IPO8: variants seen among roughly 807,000 people sequenced by gnomAD.
IPO8 encodes importin-8.
A neutral mutation model predicts 141.2 loss-of-function variants in IPO8; 65 were observed. The ratio of observed to expected loss-of-function variants is 0.46; its 90% CI spans 0.38 to 0.57. IPO8 has a LOEUF of 0.57. IPO8 is among the 20% of genes least tolerant of loss of function. The pLI, the probability that IPO8 is intolerant of heterozygous loss-of-function variation, is 0.00. For synonymous variants in IPO8, 411 were observed against 420.3 expected (o/e 0.98, Z 0.27); for missense variants, 980 against 1,246.8 (o/e 0.79, Z 3.22).
intron 22 of IPO8, among the ~76,000 whole-genome samples, chr12:30,634,586 G>A (rs917228599): frequency 6.6e-6 from 1 of 152,050 alleles, no homozygotes; most frequent in African/African-American, 2.4e-5. Flanking sequence ...ACTACTGTTA[G>A]GCTATGCAAG....
At chr12:30,677,991 C>G (rs2053144032) in intron 5 of IPO8, among the ~76,000 whole-genome samples, 1 of 151,862 alleles carries the variant, frequency 6.6e-6, no homozygotes, top group African/African-American at 2.4e-5. Flanking sequence ...AAAAAATTAG[C>G]CAGGCATGGT....
At chr12:30,663,722 A>G (rs2052921861) in intron 13 of IPO8, 68 bp from the exon 14 acceptor site, 3 of 1,177,576 alleles carry the variant, frequency 2.5e-6, no homozygotes, top group South Asian at 2.1e-5. Flanking sequence ...TATCACAGAT[A>G]TAAGAACTTC....
At chr12:30,681,283 C>T (rs924724083) in intron 4 of IPO8, among the ~76,000 whole-genome samples, 7 of 152,104 alleles carry the variant, frequency 4.6e-5, no homozygotes, top group African/African-American at 1.4e-4. Context: ...AGCAAAGAAA[C>T]GTTAACATTT....
intron 8 of IPO8, among the ~76,000 whole-genome samples, chr12:30,673,598 C>T (rs939790772): frequency 5.3e-5 from 8 of 152,074 alleles, no homozygotes; most frequent in African/African-American, 1.9e-4. Context: ...TCATACAGAC[C>T]AATTCATATT....
rs1173584072 is a variant in IPO8, at chr12:30,632,650, T to C, written c.2900-639A>G. Among the ~76,000 whole-genome samples the C allele has an allele frequency of 1.3e-5, 2 of 152,168 alleles. 1 individual carries two copies. Among genetic ancestry groups the C allele is most frequent in the South Asian group, 4.1e-4 (2 of 4,824 alleles). ...TCTGTATGCTGCTTTCCATCAAATG[T>C]CACCCTCCCCATTCCAGGTCTCTAT... is the stretch of plus-strand genomic sequence containing the variant. On this transcript the variant is annotated intron_variant, in intron 23 of 24. Transcript: ENST00000256079.
intron 5 of IPO8, among the ~76,000 whole-genome samples, chr12:30,678,394 A>G (rs1383121497): frequency 1.3e-5 from 2 of 152,100 alleles, no homozygotes; most frequent in Non-Finnish European, 2.9e-5. Flanking sequence ...TTTTTAGCAT[A>G]TCTTTTCTAT....
chr12:30,662,502 C>T lies in IPO8; in HGVS notation c.1595-15G>A. On this transcript the variant is annotated splice_polypyrimidine_tract_variant and intron_variant, in intron 14 of 24. Transcript: ENST00000256079. ...ATATTCCTTAGCTAATTCAATAAAA[C>T]AAACAAAAGTAATAAAAATTACCAT... 1.3e-6 allele frequency: 2 copies of T among 1,595,518 alleles called. No individual in the cohort carries two copies. Among genetic ancestry groups the T allele is most frequent in the Non-Finnish European group, 8.6e-7 (1 of 1,166,506 alleles).
At chr12:30,643,795 G>A (rs1313281012) in intron 20 of IPO8, among the ~76,000 whole-genome samples, 1 of 152,158 alleles carries the variant, frequency 6.6e-6, no homozygotes, top group African/African-American at 2.4e-5. Flanking sequence ...TACAGCACAG[G>A]CCATAGCTTG....
At chr12:30,659,633 C>T (rs374696923) in intron 16 of IPO8, among the ~76,000 whole-genome samples, 16 of 151,570 alleles carry the variant, frequency 1.1e-4, no homozygotes, top group African/African-American at 1.9e-4. Context: ...GGGCGGATCA[C>T]GAGGTCAGGA....
At chr12:30,659,859 C>CAAAA (rs71049460) in intron 16 of IPO8, among the ~76,000 whole-genome samples, 1 of 94,010 alleles carries the variant, frequency 1.1e-5, no homozygotes. Context: ...TGTCTCAAAA[C>CAAAA]AAAAAAAAAA....
At position 30,629,951 on chromosome 12, in the gene IPO8, G is replaced by A. The variant is rs1405965574; in HGVS notation, c.*909C>T. On this transcript the variant is annotated 3_prime_UTR_variant, in exon 25 of 25. Transcript: ENST00000256079. Reference sequence around the variant, plus strand: ...ACAAGTCCCCATCCAGAAAGACAGTGTGCTTACGTAGCACCTGTCTCTTAG... The same window carrying A: ...ACAAGTCCCCATCCAGAAAGACAGTATGCTTACGTAGCACCTGTCTCTTAG... The A allele has an allele frequency of 6.6e-6, 1 of 152,202 alleles. No homozygotes were observed. Among genetic ancestry groups the A allele is most frequent in the Non-Finnish European group, 1.5e-5 (1 of 68,036 alleles). The allele number at this position is 152,202 out of a possible 1,614,324, so 9.4% of individuals were successfully genotyped here. A position where few individuals can be genotyped will look rare whatever the true frequency, so the allele number is the denominator to read the frequency against.
chr12:30,650,311 T>C (rs12825440), intron 19 of IPO8, among the ~76,000 whole-genome samples: 27,908 of 151,880 alleles, frequency 0.18, 3,156 homozygotes, highest in East Asian at 0.3. Flanking sequence ...CAAAATGCTA[T>C]CAAAATGACA....
chr12:30,680,421 C>T (rs2053176736), intron 5 of IPO8, 61 bp downstream of exon 5: 2 of 1,338,390 alleles, frequency 1.5e-6, no homozygotes, highest in African/African-American at 1.5e-5. Flanking sequence ...TTATTGAGCA[C>T]TTTCCATGTG....
At chr12:30,677,132 G>T in intron 5 of IPO8, 1 of 1,433,944 alleles carries the variant, frequency 7.0e-7, no homozygotes, top group Non-Finnish European at 9.4e-7. Context: ...GACATAATAA[G>T]ATAGACAATC....
chr12:30,681,871 T>A, intron 3 of IPO8, 54 bp from the exon 4 acceptor site: 2 of 1,417,010 alleles, frequency 1.4e-6, no homozygotes, highest in Non-Finnish European at 1.9e-6. Context: ...ATACTGTGTT[T>A]CAAAGACCTC....
At chr12:30,680,455 T>C (rs1011144621) in intron 5 of IPO8, 27 bp downstream of exon 5, 14 of 1,584,290 alleles carry the variant, frequency 8.8e-6, no homozygotes, top group Admixed American at 1.8e-5. Flanking sequence ...CAGGACTCCA[T>C]GTTTGTTTTC....
intron 17 of IPO8, among the ~76,000 whole-genome samples, chr12:30,655,901 T>C (rs1008709198): frequency 2.6e-5 from 4 of 152,192 alleles, no homozygotes; most frequent in Admixed American, 6.5e-5. Flanking sequence ...CACACCCACA[T>C]GACGTGGGGC....
At chr12:30,692,719 C>G (rs965397458) in intron 1 of IPO8, among the ~76,000 whole-genome samples, 1 of 151,902 alleles carries the variant, frequency 6.6e-6, no homozygotes, top group African/African-American at 2.4e-5. Context: ...TTTTCTGAAC[C>G]GATATTCCCT....
chr12:30,688,323 C>T (rs1340442286), intron 2 of IPO8: 4 of 326,640 alleles, frequency 1.2e-5, no homozygotes, highest in East Asian at 1.1e-4. Context: ...TTTCCTGTTT[C>T]TTGAAAACTC....
Sources: allele counts gnomAD v4.1 joint callset (sites outside exome capture counted in the v4.1 genomes callset), GRCh38; gene constraint gnomAD v4.1.1; transcripts MANE v1.5; gene names NCBI Gene and HGNC (gene_info 2026-07-23, HGNC 2026-07-21).